Variants in NEK11 observed in about 807,000 individuals in gnomAD.
NEK11 encodes the protein serine/threonine-protein kinase Nek11.
Under a neutral mutation model 80.7 loss-of-function variants are expected in NEK11, and 72 were observed. The ratio of observed to expected loss-of-function variants is 0.89; its 90% CI spans 0.74 to 1.08. The LOEUF (loss-of-function observed/expected upper bound fraction) is 1.08. Ranked by LOEUF, NEK11 falls within the 50% of genes least tolerant of loss-of-function variation. The probability of loss-of-function intolerance (pLI) is 0.00; values close to 1 mark genes in which losing one functional copy is unlikely to be tolerated. For missense variants in NEK11, 764 were observed against 763.6 expected (o/e 1.00, Z -0.01); for synonymous variants, 251 against 260.7 (o/e 0.96, Z 0.36).
intron 3 of NEK11, among the ~76,000 whole-genome samples, chr3:131,077,395 A>G (rs1257057779): frequency 6.6e-6 from 1 of 152,156 alleles, no homozygotes; most frequent in Non-Finnish European, 1.5e-5. Context: ...ACGTCTCCGC[A>G]TCAGCTAGAG....
At chr3:131,254,980 A>G (rs1241700417) in intron 16 of NEK11, among the ~76,000 whole-genome samples, 3 of 151,954 alleles carry the variant, frequency 2.0e-5, no homozygotes, top group South Asian at 2.1e-4. Context: ...AGATCACACC[A>G]CTGCACTCCA....
intron 9 of NEK11, among the ~76,000 whole-genome samples, chr3:131,153,808 A>C (rs2090137511): frequency 6.6e-6 from 1 of 152,210 alleles, no homozygotes; most frequent in South Asian, 2.1e-4. Context: ...AACCAAGAAA[A>C]AGTAAGGATG....
chr3:131,189,080 G>A (rs1273864025), intron 14 of NEK11, among the ~76,000 whole-genome samples: 1 of 152,076 alleles, frequency 6.6e-6, no homozygotes, highest in Admixed American at 6.6e-5. Flanking sequence ...GCACCTACAA[G>A]CCAAGGAAGA....
In NEK11 at chr3:131,107,789, A is replaced by C. The variant is rs542445996; in HGVS notation, c.337-2014A>C. 2.0e-5 allele frequency among the ~76,000 whole-genome samples: 3 copies of C among 152,218 alleles called. No individual in the cohort carries two copies. In the East Asian group the frequency reaches 5.8e-4, roughly 29 times the overall value. On this transcript the variant is annotated intron_variant, in intron 4 of 17. Transcript: ENST00000383366. ...TACGCAGTTCAAACCCATGTTATTCAAGGGTCAACTGTATGTTTACAGGTC... is the reference window on the plus strand; with the variant it reads ...TACGCAGTTCAAACCCATGTTATTCCAGGGTCAACTGTATGTTTACAGGTC...
chr3:131,347,799 C>T (rs139214468), intron 17 of NEK11, among the ~76,000 whole-genome samples: 40 of 151,938 alleles, frequency 2.6e-4, no homozygotes, highest in African/African-American at 7.5e-4. Flanking sequence ...ATTAGCCAGG[C>T]GTGGTGGCAG....
intron 3 of NEK11, among the ~76,000 whole-genome samples, chr3:131,055,744 G>A (rs762851095): frequency 2.5e-4 from 38 of 152,048 alleles, no homozygotes; most frequent in African/African-American, 6.3e-4. Flanking sequence ...AATAATAATC[G>A]TCATGAAATA....
intron 14 of NEK11, among the ~76,000 whole-genome samples, chr3:131,208,455 T>C (rs1209741267): frequency 6.6e-6 from 1 of 152,254 alleles, no homozygotes; most frequent in Non-Finnish European, 1.5e-5. Context: ...GGGCTCTTTT[T>C]TGGTTCCATA....
At chr3:131,132,684 C>T (rs2084719417) in intron 5 of NEK11, 61 bp from the exon 6 acceptor site, 1 of 827,858 alleles carries the variant, frequency 1.2e-6, no homozygotes, top group South Asian at 1.7e-5. Flanking sequence ...ATATTATTTA[C>T]ATGGGGATTT....
intron 4 of NEK11, among the ~76,000 whole-genome samples, chr3:131,087,450 G>C (rs958182026): frequency 1.3e-5 from 2 of 151,998 alleles, no homozygotes; most frequent in South Asian, 4.2e-4. Context: ...CTCCATGTTG[G>C]CCAGGATGTT....
chr3:131,036,504 A>G (rs2065670527), intron 3 of NEK11, among the ~76,000 whole-genome samples: 1 of 152,256 alleles, frequency 6.6e-6, no homozygotes, highest in African/African-American at 2.4e-5. Flanking sequence ...TTACATAATC[A>G]TAAATAATTT....
At chr3:131,207,555 G>C (rs528424357) in intron 14 of NEK11, among the ~76,000 whole-genome samples, 1 of 152,160 alleles carries the variant, frequency 6.6e-6, no homozygotes, top group Admixed American at 6.5e-5. Context: ...CTCCAGCCTG[G>C]GTGAAAGAGT....
intron 9 of NEK11, among the ~76,000 whole-genome samples, chr3:131,153,919 G>A (rs2090166060): frequency 6.6e-6 from 1 of 152,168 alleles, no homozygotes; most frequent in South Asian, 2.1e-4. Flanking sequence ...GCGGTCAAAG[G>A]AATAGGTGAC....
chr3:131,062,909 G>A (rs943772067), intron 3 of NEK11, among the ~76,000 whole-genome samples: 1 of 152,228 alleles, frequency 6.6e-6, no homozygotes, highest in Non-Finnish European at 1.5e-5. Context: ...ACTACATAAA[G>A]CTAGGCAAGA....
At chr3:131,155,574 A>T (rs1027967959) in intron 10 of NEK11, among the ~76,000 whole-genome samples, 45 of 152,164 alleles carry the variant, frequency 3.0e-4, no homozygotes, top group Non-Finnish European at 4.4e-4. Flanking sequence ...ACATTCCTTC[A>T]CATAAGAACT....
chr3:131,068,880 G>A (rs1289502438), intron 3 of NEK11, among the ~76,000 whole-genome samples: 1 of 152,158 alleles, frequency 6.6e-6, no homozygotes, highest in Non-Finnish European at 1.5e-5. Context: ...AACCCTCTAA[G>A]GGAAGTATGC....
chr3:131,121,918 G>A (rs1335408506), intron 5 of NEK11, among the ~76,000 whole-genome samples: 3 of 152,224 alleles, frequency 2.0e-5, no homozygotes, highest in African/African-American at 7.2e-5. Context: ...GGAATTCCCT[G>A]ACCCCTTGCA....
chr3:131,043,999 A>T (rs2066940728), intron 3 of NEK11, among the ~76,000 whole-genome samples: 1 of 152,220 alleles, frequency 6.6e-6, no homozygotes, highest in Non-Finnish European at 1.5e-5. Context: ...CCAGAATTCC[A>T]TATCCAGCCA....
chr3:131,326,093 T>A (rs1698085154), intron 17 of NEK11: 1 of 152,198 alleles, frequency 6.6e-6, no homozygotes, highest in Non-Finnish European at 1.5e-5. Flanking sequence ...AAACAGAAGC[T>A]CTAATCTACA....
At chr3:131,265,169 ATTTGACTTCC>A (rs1365989076) in intron 16 of NEK11, among the ~76,000 whole-genome samples, 2 of 152,186 alleles carry the variant, frequency 1.3e-5, no homozygotes, top group Non-Finnish European at 2.9e-5. Context: ...AACAGAGACA[ATTTGACTTCC>A]TCTTTTCCTA....
Sources: gnomAD v4.1 joint callset for allele counts (sites outside exome capture counted in the v4.1 genomes callset) on GRCh38, gnomAD v4.1.1 for gene constraint, MANE v1.5 for transcripts, NCBI Gene and HGNC (gene_info 2026-07-23, HGNC 2026-07-21) for gene names.